The following NEB variants were observed in gnomAD, a reference collection of about 807,000 sequenced individuals.
NEB encodes the protein nebulin.
NEB carries 512 observed loss-of-function variants against 952.2 expected under a neutral mutation model. That is an observed-to-expected ratio of 0.54 (90% CI 0.50 to 0.58). NEB has a LOEUF of 0.58. Ranked by LOEUF, NEB falls within the 20% of genes least tolerant of loss-of-function variation. The probability of loss-of-function intolerance (pLI) is 0.00; values close to 1 mark genes in which losing one functional copy is unlikely to be tolerated. For missense variants in NEB, 8,428 were observed against 9,231.1 expected, an observed-to-expected ratio of 0.91 and a Z score of 3.56; for synonymous variants, 2,900 against 3,149.8, an observed-to-expected ratio of 0.92 and a Z score of 2.66.
chr2:151,670,820 T>G (rs1014089242), intron 38 of NEB, among the ~76,000 whole-genome samples: 1 of 152,210 alleles, frequency 6.6e-6, no homozygotes, highest in Non-Finnish European at 1.5e-5. Context: ...AAATTTGGAA[T>G]AGTCCCCCAT....
chr2:151,655,721 A>C, intron 50 of NEB, 96 bp downstream of exon 50: 1 of 1,309,644 alleles, frequency 7.6e-7, no homozygotes, highest in South Asian at 1.3e-5. Context: ...ACAGCCTAGG[A>C]ATGATGGACC....
chr2:151,610,407 G>A, intron 80 of NEB, 109 bp downstream of exon 80: 5 of 825,216 alleles, frequency 6.1e-6, no homozygotes, highest in South Asian at 1.7e-5. Context: ...GTAGGAAGTA[G>A]GACTGGAAGG....
chr2:151,501,323 G>C (rs1240139184), intron 168 of NEB, 68 bp downstream of exon 168: 1 of 1,044,802 alleles, frequency 9.6e-7, no homozygotes. Flanking sequence ...GGGATGAACA[G>C]TGAGATGTTC....
In NEB at chr2:151,516,494, T is replaced by G; in HGVS notation, c.22870A>C (p.Ile7624Leu). ...PMLDFETPTY[I>L]TAKESQQMQS... ...ATCTGCTGAGACTCTTTGGCAGTGA[T>G]GTACGTTGGTGTTTCAAAGTCCAGC... Residue 7624 changes from isoleucine (I) to leucine (L), a missense_variant, in exon 157 of 182, where the codon ATC becomes CTC. Ile to Leu is a conservative substitution (Grantham distance 5, BLOSUM62 2). This residue lies in a region of NEB where 3,374 missense variants were observed against 3,651.5 expected (regional missense o/e 0.92). Transcript: ENST00000397345. 4 of 1,613,562 alleles carry G rather than the reference T, an allele frequency of 2.5e-6. No homozygotes were observed. Among genetic ancestry groups the G allele is most frequent in the Non-Finnish European group, 1.7e-6 (2 of 1,179,588 alleles).
intron 28 of NEB, among the ~76,000 whole-genome samples, chr2:151,683,005 C>T (rs1576218170): frequency 6.6e-6 from 1 of 152,130 alleles, no homozygotes; most frequent in African/African-American, 2.4e-5. Context: ...TAATGGAAGT[C>T]TGTGGTACTC....
In NEB at chr2:151,627,845, G is replaced by A; in HGVS notation, c.9832-11C>T. ...ATCTTTGTATTTGTACTGAAATAAA[G>A]GTGGTCATTTCAAAAATAAAAATGA... is the stretch of plus-strand genomic sequence containing the variant. On this transcript the variant is annotated splice_polypyrimidine_tract_variant and intron_variant, in intron 68 of 181. Coordinates refer to ENST00000397345, the MANE Select transcript of NEB (RefSeq NM_001164508.2). 6.2e-7 allele frequency: 1 copy of A among 1,602,960 alleles called. No individual in the cohort carries two copies. Among genetic ancestry groups the A allele is most frequent in the East Asian group, 2.2e-5 (1 of 44,672 alleles).
At position 151,547,631 on chromosome 2, in the gene NEB, C is replaced by T. The variant is rs763862179; in HGVS notation, c.20262+3G>A. ...TCCCTGTCTTTCCTAAGAAAATACC[C>T]ACCTCACTGACAGCCTCTTGTGTCT... On this transcript the variant is annotated splice_donor_region_variant and intron_variant, in intron 132 of 181. Coordinates refer to ENST00000397345, the MANE Select transcript of NEB (RefSeq NM_001164508.2). 5.6e-6 allele frequency: 9 copies of T among 1,613,126 alleles called. No individual in the cohort carries two copies. Among genetic ancestry groups the T allele is most frequent in the South Asian group, 5.5e-5 (5 of 91,036 alleles).
At chr2:151,665,968 C>CT (rs1357114946) in intron 41 of NEB, 122 bp downstream of exon 41, 1 of 1,022,602 alleles carries the variant, frequency 9.8e-7, no homozygotes, top group African/African-American at 1.6e-5. Context: ...TCCTAAAACT[C>CT]TGAGTTCTGG....
At chr2:151,576,477 CATAA>C (rs1470405924) in intron 105 of NEB, 123 bp from the exon 106 acceptor site, 1 of 110,836 alleles carries the variant, frequency 9.0e-6, no homozygotes, top group African/African-American at 3.9e-5. Flanking sequence ...ATATATATAA[CATAA>C]ATACATATAT....
chr2:151,542,229 C>T (rs2094160326), intron 135 of NEB, among the ~76,000 whole-genome samples: 1 of 152,150 alleles, frequency 6.6e-6, no homozygotes. Flanking sequence ...ATCAGCCTTC[C>T]TCTGGTTCTG....
In NEB at chr2:151,490,069, G is replaced by GT; in HGVS notation, c.25305dup (p.His8436ThrfsTer41). 1 of 1,601,882 alleles carries GT rather than the reference G, an allele frequency of 6.2e-7. No individual in the cohort carries two copies. The highest frequency in any genetic ancestry group is 2.2e-5 in the East Asian group (1 of 44,778). On this transcript the variant is annotated frameshift_variant, in exon 181 of 182. Transcript: ENST00000397345. LOFTEE classifies it high-confidence loss of function. ...TGTGGGAGCTCTGTGGTTTTTGCATGTTTGTAAGCTGAAAAAAAGGGGGCA... is the reference window on the plus strand; with the variant it reads ...TGTGGGAGCTCTGTGGTTTTTGCATGTTTTGTAAGCTGAAAAAAAGGGGGCA...
intron 10 of NEB, among the ~76,000 whole-genome samples, chr2:151,712,644 C>T (rs1394129351): frequency 1.3e-5 from 2 of 152,084 alleles, no homozygotes; most frequent in African/African-American, 4.8e-5. Context: ...TTGCTGGCTA[C>T]TGAGGAAGTT....
At chr2:151,545,730 G>T (rs2094587712) in intron 135 of NEB, among the ~76,000 whole-genome samples, 158 bp downstream of exon 135, 1 of 152,146 alleles carries the variant, frequency 6.6e-6, no homozygotes, top group Non-Finnish European at 1.5e-5. Flanking sequence ...TGGTTGACTT[G>T]CTTAGACATA....
chr2:151,537,879 A>G lies in NEB; in HGVS notation c.21095T>C (p.Val7032Ala). 6.2e-7 allele frequency: 1 copy of G among 1,602,014 alleles called. No individual in the cohort carries two copies. The highest frequency in any genetic ancestry group is 8.5e-7 in the Non-Finnish European group (1 of 1,174,390). The change falls in exon 140 of 182, where the codon GTC becomes GCC. Residue 7032 changes from valine (V) to alanine (A), a missense_variant. By Grantham distance (64) the Val-to-Ala change is moderately conservative (BLOSUM62 0). Coordinates refer to ENST00000397345, the MANE Select transcript of NEB (RefSeq NM_001164508.2). ...HFHHRAVTDTVSDVKYKEDLT... is the reference protein window; with the variant it reads ...HFHHRAVTDTASDVKYKEDLT... ...GAAGATGTCAACACTCACATCACTG[A>G]CTGTGTCAGTGACTGCTCGGTGGTG...
chr2:151,670,987 T>C (rs1423721712), intron 38 of NEB, 36 bp downstream of exon 38: 3 of 1,584,298 alleles, frequency 1.9e-6, no homozygotes, highest in African/African-American at 1.3e-5. Context: ...CGTGTGGTTA[T>C]TTACGGGCAA....
At chr2:151,502,565 A>T (rs1236726975) in intron 167 of NEB, among the ~76,000 whole-genome samples, 2 of 152,124 alleles carry the variant, frequency 1.3e-5, no homozygotes, top group African/African-American at 2.4e-5. Flanking sequence ...GGAAGAAAAC[A>T]GAGTATTACA....
Position 151,643,362 on chromosome 2 carries a change from G to GC in NEB, c.7957-10dup. On this transcript the variant is annotated splice_polypyrimidine_tract_variant and intron_variant, in intron 57 of 181. Coordinates refer to ENST00000397345, the MANE Select transcript of NEB (RefSeq NM_001164508.2). ...TCTGACTTGTACAAATTCTGAAAGTGCAAGTGACAAATTTGTCATAATTAA... is the reference window on the plus strand; with the variant it reads ...TCTGACTTGTACAAATTCTGAAAGTGCCAAGTGACAAATTTGTCATAATTAA... The GC allele has an allele frequency of 6.3e-7, 1 of 1,590,704 alleles. No individual in the cohort carries two copies.
chr2:151,572,060 G>A (rs1373250653), intron 107 of NEB, among the ~76,000 whole-genome samples: 7 of 152,328 alleles, frequency 4.6e-5, no homozygotes, highest in Middle Eastern at 3.4e-3. Context: ...AGTGGCTTAC[G>A]CCTATAATCC....
intron 69 of NEB, 21 bp downstream of exon 69, chr2:151,627,493 GCACAGTTAC>G: frequency 6.2e-7 from 1 of 1,606,942 alleles, no homozygotes; most frequent in South Asian, 1.1e-5. Flanking sequence ...ACTATTATGA[GCACAGTTAC>G]CATGGATCTT....
Sources: allele counts gnomAD v4.1 joint callset (sites outside exome capture counted in the v4.1 genomes callset), GRCh38; gene constraint gnomAD v4.1.1; regional missense constraint gnomAD v4.1.1; transcripts MANE v1.5; gene names NCBI Gene and HGNC (gene_info 2026-07-23, HGNC 2026-07-21).